AMPH: variants seen among roughly 807,000 people sequenced by gnomAD.
The protein encoded by AMPH is amphiphysin, also known as amphiphysin (Stiff-Mann syndrome with breast cancer 128kD autoantigen).
In AMPH, 49 loss-of-function variants were observed where a neutral mutation model predicts 99.1. The observed-to-expected ratio is 0.49, with a 90% CI of 0.39 to 0.63. AMPH has a LOEUF of 0.63. Among genes scored for constraint, AMPH ranks in the 20% least tolerant of loss-of-function variants. The pLI, the probability that AMPH is intolerant of heterozygous loss-of-function variation, is 0.00. For synonymous variants in AMPH, 314 were observed against 317.3 expected, an observed-to-expected ratio of 0.99 and a Z score of 0.11; for missense variants, 759 against 863.4, an observed-to-expected ratio of 0.88 and a Z score of 1.52.
At chr7:38,597,690 C>G (rs998724328) in intron 1 of AMPH, among the ~76,000 whole-genome samples, 14 of 151,720 alleles carry the variant, frequency 9.2e-5, no homozygotes, top group Admixed American at 5.3e-4. Flanking sequence ...ACATTAATGT[C>G]TAATAGGCTT....
rs370581295 is a variant in AMPH at position 38,422,393 on chromosome 7, C to G, written c.1272+28G>C. On this transcript the variant is annotated intron_variant, in intron 16 of 20. Coordinates refer to ENST00000356264, the MANE Select transcript of AMPH (RefSeq NM_001635.4). ...ACATTCAGTGATAACTAACAACTTC[C>G]TGAGAGCACAAACCCAAATCAACTT... The G allele has an allele frequency of 2.1e-5, 34 of 1,597,652 alleles. No homozygotes were observed. The African/African-American group carries it at 4.3e-4, about 20-fold the overall frequency.
chr7:38,521,752 C>T (rs1789973320), intron 2 of AMPH, among the ~76,000 whole-genome samples: 1 of 152,076 alleles, frequency 6.6e-6, no homozygotes, highest in Admixed American at 6.5e-5. Context: ...ATTCCCATCC[C>T]CTCAGTCAGG....
chr7:38,527,956 TG>T (rs1365063666), intron 2 of AMPH, among the ~76,000 whole-genome samples: 1 of 152,102 alleles, frequency 6.6e-6, no homozygotes, highest in African/African-American at 2.4e-5. Context: ...TATTGTGGAG[TG>T]GGTGCTGAAT....
intron 17 of AMPH, among the ~76,000 whole-genome samples, chr7:38,398,832 CAA>C (rs1243026795): frequency 1.3e-5 from 2 of 151,264 alleles, no homozygotes; most frequent in Non-Finnish European, 3.0e-5. Context: ...TACGTACCCA[CAA>C]AAGTTAAAAA....
chr7:38,610,515 T>C (rs1584303447), intron 1 of AMPH, among the ~76,000 whole-genome samples: 1 of 151,664 alleles, frequency 6.6e-6, no homozygotes, highest in East Asian at 1.9e-4. Flanking sequence ...TATAAAACAC[T>C]AGTCTTGGAT....
At chr7:38,558,758 C>T (rs1315529065) in intron 1 of AMPH, among the ~76,000 whole-genome samples, 1 of 152,206 alleles carries the variant, frequency 6.6e-6, no homozygotes, top group Non-Finnish European at 1.5e-5. Flanking sequence ...TGTCCTGAGA[C>T]ACATCCTGCT....
intron 1 of AMPH, among the ~76,000 whole-genome samples, chr7:38,546,822 T>A (rs1791011811): frequency 6.6e-6 from 1 of 152,188 alleles, no homozygotes; most frequent in Admixed American, 6.5e-5. Flanking sequence ...ACACCATCTG[T>A]AAATACTGGC....
intron 17 of AMPH, among the ~76,000 whole-genome samples, chr7:38,416,949 G>C (rs1309992596): frequency 1.3e-5 from 2 of 152,204 alleles, no homozygotes; most frequent in Admixed American, 6.5e-5. Flanking sequence ...CCAACGACAT[G>C]AAGTAAGACT....
At chr7:38,626,881 A>G (rs563892326) in intron 1 of AMPH, among the ~76,000 whole-genome samples, 177 of 147,678 alleles carry the variant, frequency 1.2e-3, no homozygotes, top group Non-Finnish European at 1.5e-3. Context: ...GTTTTTCATG[A>G]TAAGCTTTTT....
At chr7:38,572,926 C>A (rs1792104509) in intron 1 of AMPH, among the ~76,000 whole-genome samples, 1 of 152,172 alleles carries the variant, frequency 6.6e-6, no homozygotes, top group African/African-American at 2.4e-5. Context: ...CTCCAAGCTC[C>A]AGCACAATAT....
intron 1 of AMPH, among the ~76,000 whole-genome samples, chr7:38,584,761 C>T (rs1042495791): frequency 5.9e-5 from 9 of 152,316 alleles, no homozygotes; most frequent in South Asian, 4.1e-4. Flanking sequence ...CCGGGGCACA[C>T]GGCCTGATTC....
chr7:38,466,807 A>G (rs1450825204), intron 7 of AMPH, among the ~76,000 whole-genome samples: 3 of 152,162 alleles, frequency 2.0e-5, no homozygotes, highest in African/African-American at 7.2e-5. Context: ...ATTAATTCTA[A>G]CTGCTCATCA....
At chr7:38,394,950 C>G (rs77381589) in intron 17 of AMPH, among the ~76,000 whole-genome samples, 8,839 of 152,322 alleles carry the variant, frequency 0.058, 358 homozygotes, top group East Asian at 0.19. Context: ...AAAAAGCACA[C>G]GTCACAGATC....
chr7:38,568,805 T>C (rs1043670800), intron 1 of AMPH, among the ~76,000 whole-genome samples: 3 of 152,124 alleles, frequency 2.0e-5, no homozygotes, highest in Non-Finnish European at 2.9e-5. Flanking sequence ...AGGCCATGTG[T>C]GCAGGAGGGA....
intron 5 of AMPH, 36 bp downstream of exon 5, chr7:38,491,014 C>A: frequency 7.1e-7 from 1 of 1,414,622 alleles, no homozygotes; most frequent in Non-Finnish European, 1.0e-6. Context: ...CATGACCCCA[C>A]TCAATCCTTC....
At chr7:38,606,756 G>A (rs988320684) in intron 1 of AMPH, among the ~76,000 whole-genome samples, 6 of 151,820 alleles carry the variant, frequency 4.0e-5, no homozygotes, top group African/African-American at 1.5e-4. Flanking sequence ...AAACTTTTTT[G>A]TAGAGACAGG....
At chr7:38,529,764 T>C (rs944456964) in intron 2 of AMPH, among the ~76,000 whole-genome samples, 4 of 152,232 alleles carry the variant, frequency 2.6e-5, no homozygotes, top group African/African-American at 7.2e-5. Flanking sequence ...GAAAGGTAGA[T>C]ACATTAATAT....
chr7:38,397,070 C>T (rs766969489), intron 17 of AMPH, among the ~76,000 whole-genome samples: 4 of 152,152 alleles, frequency 2.6e-5, no homozygotes, highest in African/African-American at 9.7e-5. Flanking sequence ...TACATGCAGA[C>T]GGTATGGACA....
chr7:38,415,829 A>G (rs1239277962), intron 17 of AMPH, among the ~76,000 whole-genome samples: 1 of 152,040 alleles, frequency 6.6e-6, no homozygotes, highest in Non-Finnish European at 1.5e-5. Flanking sequence ...CTCTGCACCT[A>G]TGATTCTTGC....
Sources: gnomAD v4.1 joint callset for allele counts (sites outside exome capture counted in the v4.1 genomes callset) on GRCh38, gnomAD v4.1.1 for gene constraint, MANE v1.5 for transcripts, NCBI Gene and HGNC (gene_info 2026-07-23, HGNC 2026-07-21) for gene names.